RTN1: variants seen among roughly 807,000 people sequenced by gnomAD.
RTN1 encodes reticulon-1.
Under a neutral mutation model 65.5 loss-of-function variants are expected in RTN1, and 25 were observed. The ratio of observed to expected loss-of-function variants is 0.38; its 90% CI spans 0.28 to 0.53. The LOEUF (loss-of-function observed/expected upper bound fraction) is 0.53. Among genes scored for constraint, RTN1 ranks in the 20% least tolerant of loss-of-function variants. The pLI is 0.79. For missense variants in RTN1, 983 were observed against 1,025.4 expected (o/e 0.96, Z 0.57); for synonymous variants, 471 against 447.6 (o/e 1.05, Z -0.66).
At chr14:59,765,077 A>T (rs894690185) in intron 1 of RTN1, among the ~76,000 whole-genome samples, 1 of 152,204 alleles carries the variant, frequency 6.6e-6, no homozygotes, top group African/African-American at 2.4e-5. Context: ...GCAGTATTTT[A>T]AAATTGCCTC....
At chr14:59,660,941 C>A (rs1027109629) in intron 3 of RTN1, among the ~76,000 whole-genome samples, 1 of 151,850 alleles carries the variant, frequency 6.6e-6, no homozygotes, top group African/African-American at 2.4e-5. Flanking sequence ...ACCAAAGAAT[C>A]CAGGAGCTGT....
intron 1 of RTN1, among the ~76,000 whole-genome samples, chr14:59,798,389 G>A (rs1166340464): frequency 6.6e-6 from 1 of 152,142 alleles, no homozygotes; most frequent in Non-Finnish European, 1.5e-5. Context: ...AATTATCACA[G>A]ATTTAGTGGC....
At chr14:59,726,524 T>C (rs1296281060) in intron 3 of RTN1, among the ~76,000 whole-genome samples, 4 of 152,060 alleles carry the variant, frequency 2.6e-5, no homozygotes, top group Admixed American at 6.5e-5. Flanking sequence ...TTCCAGCACC[T>C]ACAGAGACTG....
At chr14:59,620,395 G>T (rs1245793044) in intron 3 of RTN1, among the ~76,000 whole-genome samples, 5 of 152,116 alleles carry the variant, frequency 3.3e-5, no homozygotes, top group African/African-American at 1.2e-4. Context: ...GTCACATAAG[G>T]CTACTGGGTG....
chr14:59,686,946 T>C (rs961059005), intron 3 of RTN1, among the ~76,000 whole-genome samples: 3 of 152,194 alleles, frequency 2.0e-5, no homozygotes, highest in Non-Finnish European at 4.4e-5. Context: ...ATAATAGTCT[T>C]AGGTCAGAGA....
At chr14:59,793,777 T>C (rs1389017409) in intron 1 of RTN1, among the ~76,000 whole-genome samples, 1 of 152,060 alleles carries the variant, frequency 6.6e-6, no homozygotes, top group African/African-American at 2.4e-5. Context: ...ATTGTGCTAC[T>C]ATCAAAAATC....
At chr14:59,748,273 G>T (rs11848115) in intron 1 of RTN1, among the ~76,000 whole-genome samples, 54,222 of 133,476 alleles carry the variant, frequency 0.41, 10,068 homozygotes, top group Middle Eastern at 0.51. Flanking sequence ...CTTAACTTTT[G>T]TCTTTTCCTA....
chr14:59,685,079 T>A (rs1189354988), intron 3 of RTN1, among the ~76,000 whole-genome samples: 3 of 152,182 alleles, frequency 2.0e-5, no homozygotes, highest in Non-Finnish European at 2.9e-5. Flanking sequence ...ATAAGACCCA[T>A]ATGATAATTT....
intron 3 of RTN1, among the ~76,000 whole-genome samples, chr14:59,685,819 A>G (rs540253415): frequency 1.3e-5 from 2 of 152,352 alleles, no homozygotes; most frequent in African/African-American, 2.4e-5. Context: ...AAAACAAACC[A>G]GAAATCTGTG....
chr14:59,852,158 G>A (rs1887520677), intron 1 of RTN1, among the ~76,000 whole-genome samples: 1 of 152,084 alleles, frequency 6.6e-6, no homozygotes, highest in African/African-American at 2.4e-5. Flanking sequence ...AGTAAGTAGT[G>A]GCCACTCCAA....
rs140028062 is a variant in RTN1 at position 59,733,155 on chromosome 14, G to A, written c.1016-5487C>T. Reference sequence around the variant, plus strand: ...CGCCCAGGCTGGAGTGTAGTGGTGCGATCCCTGCTCACTGTAACCTCCGCC... The same window carrying A: ...CGCCCAGGCTGGAGTGTAGTGGTGCAATCCCTGCTCACTGTAACCTCCGCC... On this transcript the variant is annotated intron_variant, in intron 2 of 8. Coordinates refer to ENST00000267484, the MANE Select transcript of RTN1 (RefSeq NM_021136.3). 3.1e-3 allele frequency among the ~76,000 whole-genome samples: 471 copies of A among 151,686 alleles called. 1 individual carries two copies. Among genetic ancestry groups the A allele is most frequent in the African/African-American group, 0.011 (440 of 41,304 alleles).
chr14:59,623,755 G>T (rs1882318338), intron 3 of RTN1, among the ~76,000 whole-genome samples: 1 of 152,084 alleles, frequency 6.6e-6, no homozygotes, highest in Non-Finnish European at 1.5e-5. Context: ...ACAGCTGTTG[G>T]TTCCTTTTTA....
At chr14:59,690,065 G>A (rs552485953) in intron 3 of RTN1, among the ~76,000 whole-genome samples, 6 of 151,204 alleles carry the variant, frequency 4.0e-5, no homozygotes, top group African/African-American at 1.5e-4. Flanking sequence ...TTATACTCCT[G>A]CCTTGGCCTC....
intron 3 of RTN1, among the ~76,000 whole-genome samples, chr14:59,639,604 T>C (rs1314818399): frequency 6.6e-6 from 1 of 152,192 alleles, no homozygotes; most frequent in Non-Finnish European, 1.5e-5. Context: ...TTCTTTGTCT[T>C]ACTCCTGAAG....
At chr14:59,756,724 A>C (rs954698337) in intron 1 of RTN1, among the ~76,000 whole-genome samples, 1 of 152,106 alleles carries the variant, frequency 6.6e-6, no homozygotes, top group African/African-American at 2.4e-5. Context: ...GGATAATAGC[A>C]AAAAAATGTG....
At chr14:59,644,457 A>G (rs1882846851) in intron 3 of RTN1, among the ~76,000 whole-genome samples, 1 of 152,154 alleles carries the variant, frequency 6.6e-6, no homozygotes, top group Non-Finnish European at 1.5e-5. Flanking sequence ...GTGGTATGAC[A>G]TGTAGAGCTA....
At chr14:59,726,719 G>A (rs1258897278) in intron 3 of RTN1, among the ~76,000 whole-genome samples, 200 bp downstream of exon 3, 1 of 152,114 alleles carries the variant, frequency 6.6e-6, no homozygotes, top group Non-Finnish European at 1.5e-5. Context: ...CCCTGAGCAC[G>A]CGGTTCTGCC....
chr14:59,856,986 C>A (rs923568571), intron 1 of RTN1, among the ~76,000 whole-genome samples: 5 of 152,124 alleles, frequency 3.3e-5, no homozygotes, highest in African/African-American at 7.2e-5. Flanking sequence ...GTCTTGCCCA[C>A]ATTGACATGA....
chr14:59,664,305 C>T (rs143221699), intron 3 of RTN1, among the ~76,000 whole-genome samples: 30 of 152,100 alleles, frequency 2.0e-4, no homozygotes, highest in Admixed American at 3.3e-4. Context: ...CATCACATAT[C>T]GGGGCCTGTC....
Sources: gnomAD v4.1 joint callset for allele counts (sites outside exome capture counted in the v4.1 genomes callset) on GRCh38, gnomAD v4.1.1 for gene constraint, MANE v1.5 for transcripts, NCBI Gene and HGNC (gene_info 2026-07-23, HGNC 2026-07-21) for gene names.